The following DRG2 variants were observed in gnomAD, a reference collection of about 807,000 sequenced individuals.
DRG2 encodes the protein developmentally regulated GTP binding protein 2, also known as developmentally-regulated GTP-binding protein 2.
Under a neutral mutation model 53.4 loss-of-function variants are expected in DRG2, and 36 were observed. The observed-to-expected ratio is 0.67, with a 90% confidence interval of 0.52 to 0.89. The LOEUF is 0.89. DRG2 is among the 40% of genes least tolerant of loss of function. DRG2 has a pLI of 0.00. For synonymous variants in DRG2, 167 were observed against 192.1 expected, an observed-to-expected ratio of 0.87 and a Z score of 1.08; for missense variants, 342 against 481.2, an observed-to-expected ratio of 0.71 and a Z score of 2.71.
At position 18,101,505 on chromosome 17, in the gene DRG2, C is replaced by A; in HGVS notation, c.644C>A (p.Ala215Glu). Residue 215 changes from alanine (A) to glutamate (E), a missense_variant, in exon 8 of 13, where the codon GCA (alanine) becomes GAA (glutamate). By Grantham distance (107) the Ala-to-Glu change is moderately radical. Coordinates refer to ENST00000225729, the MANE Select transcript of DRG2 (RefSeq NM_001388.5). ...LILHEYKIFN[A>E]EVLFREDCSP... ...CGGAGCCCCTCAGAGATCTTCAATG[C>A]AGAAGTGCTTTTCCGAGAAGACTGC... 1 of 1,614,138 alleles carries A rather than the reference C, an allele frequency of 6.2e-7. No homozygotes were observed. The highest frequency in any genetic ancestry group is 8.5e-7 in the Non-Finnish European group (1 of 1,180,020).
At position 18,098,924 on chromosome 17, in the gene DRG2, GC is replaced by G; in HGVS notation, c.316-89del. On this transcript the variant is annotated intron_variant, in intron 3 of 12. Coordinates refer to ENST00000225729, the MANE Select transcript of DRG2 (RefSeq NM_001388.5). The surrounding 1 kb of genome is among the most constrained non-coding windows in gnomAD (Gnocchi z 4.1). The stretch of plus-strand genomic sequence containing the variant: ...CATCTGGGTTTCCCTCAGCCCCTGA[GC>G]CCCGGGGCCATTCCAGATGTCCCAG... 2.1e-6 allele frequency: 3 copies of G among 1,460,398 alleles called. No individual in the cohort carries two copies. Among genetic ancestry groups the G allele is most frequent in the Non-Finnish European group, 1.9e-6 (2 of 1,054,182 alleles). 90.5% of individuals were successfully genotyped at this position (1,460,398 alleles called of 1,614,324 possible).
chr17:18,088,381 T>C (rs1597711277), intron 1 of DRG2, among the ~76,000 whole-genome samples: 2 of 152,200 alleles, frequency 1.3e-5, no homozygotes, highest in Non-Finnish European at 2.9e-5. Context: ...GAGGCGGAGC[T>C]GGGGTTCAAA....
At chr17:18,106,725 CTG>C (rs1304587216) in intron 12 of DRG2, among the ~76,000 whole-genome samples, 1 of 120,804 alleles carries the variant, frequency 8.3e-6, no homozygotes, top group Non-Finnish European at 1.6e-5. Context: ...GGGTCTGGCT[CTG>C]TCTCCCACGC....
rs1205766677 is a variant in DRG2, at chr17:18,099,159, T to C, written c.376+82T>C. 4 of 1,556,480 alleles carry C rather than the reference T, an allele frequency of 2.6e-6. No individual in the cohort carries two copies. The highest frequency in any genetic ancestry group is 2.6e-6 in the Non-Finnish European group (3 of 1,132,326). On this transcript the variant is annotated intron_variant, in intron 4 of 12. Coordinates refer to ENST00000225729, the MANE Select transcript of DRG2 (RefSeq NM_001388.5). This position sits in a 1 kb window ranked among gnomAD's most constrained non-coding sequence, Gnocchi z 4.4. ...AAATTGGGTGTGGCTGTCATGGAGA[T>C]CACTCTGGATCCCTGGTCCATTATC...
chr17:18,104,146 C>T (rs781701150), intron 10 of DRG2, among the ~76,000 whole-genome samples: 7 of 152,044 alleles, frequency 4.6e-5, no homozygotes, highest in African/African-American at 7.3e-5. Context: ...CAGGCCCTAC[C>T]GCAGGAGCAT....
chr17:18,101,420 C>G, intron 7 of DRG2, 73 bp from the exon 8 acceptor site: 1 of 1,470,820 alleles, frequency 6.8e-7, no homozygotes, highest in Non-Finnish European at 9.4e-7. Flanking sequence ...TCCTGCTTGG[C>G]TTTTTGGGGC....
intron 12 of DRG2, 49 bp downstream of exon 12, chr17:18,106,535 C>G (rs774108160): frequency 1.2e-6 from 2 of 1,607,798 alleles, no homozygotes; most frequent in Admixed American, 3.3e-5. Flanking sequence ...CAGGACAGCC[C>G]CTGGGTTAGG....
chr17:18,104,788 ACT>A, intron 11 of DRG2, 107 bp downstream of exon 11: 1 of 1,562,446 alleles, frequency 6.4e-7, no homozygotes, highest in Non-Finnish European at 8.7e-7. Context: ...TGCTGGTCTC[ACT>A]CTCAGATGTC....
At chr17:18,095,697 G>C (rs78418345) in intron 2 of DRG2, 2 of 152,156 alleles carry the variant, frequency 1.3e-5, no homozygotes, top group African/African-American at 4.8e-5. Context: ...CACCGCGCCC[G>C]GCCTAAAGTA....
In DRG2 at chr17:18,099,325, A is replaced by G. The variant is rs527431695; in HGVS notation, c.376+248A>G. The G allele has an allele frequency of 6.5e-6, 4 of 612,230 alleles. No individual in the cohort carries two copies. The East Asian group carries it at 8.3e-5, about 13-fold the overall frequency. 37.9% of individuals were successfully genotyped at this position (612,230 alleles called of 1,614,324 possible). On this transcript the variant is annotated intron_variant, in intron 4 of 12. Coordinates refer to ENST00000225729, the MANE Select transcript of DRG2 (RefSeq NM_001388.5). The surrounding 1 kb of genome is among the most constrained non-coding windows in gnomAD (Gnocchi z 4.4). ...ATGGGCATAATAATACATAATTTACAGCATAGTTTTGAGGATTAAGTGAGG... is the reference window on the plus strand; with the variant it reads ...ATGGGCATAATAATACATAATTTACGGCATAGTTTTGAGGATTAAGTGAGG...
intron 1 of DRG2, among the ~76,000 whole-genome samples, chr17:18,091,437 T>C (rs1322485776): frequency 6.6e-6 from 1 of 151,662 alleles, no homozygotes; most frequent in Non-Finnish European, 1.5e-5. Flanking sequence ...AATACAAAAA[T>C]TAGCCAGGCA....
At chr17:18,106,970 T>G (rs572281986) in intron 12 of DRG2, among the ~76,000 whole-genome samples, 184 bp from the exon 13 acceptor site, 1 of 152,190 alleles carries the variant, frequency 6.6e-6, no homozygotes, top group African/African-American at 2.4e-5. Flanking sequence ...CATTAGCCAC[T>G]GTGCCTGGCC....
Position 18,100,685 on chromosome 17 carries a change from A to C in DRG2, c.631+26A>C. 6.2e-7 allele frequency: 1 copy of C among 1,600,768 alleles called. No homozygotes were observed. Among genetic ancestry groups the C allele is most frequent in the Non-Finnish European group, 8.5e-7 (1 of 1,173,430 alleles). ...GTATCCTTCCCTGAAAGACACGTGA[A>C]GGAGGGCAGCCACCACCGTCAGCGC... is the stretch of plus-strand genomic sequence containing the variant. On this transcript the variant is annotated intron_variant, in intron 7 of 12. Coordinates refer to ENST00000225729, the MANE Select transcript of DRG2 (RefSeq NM_001388.5). The surrounding 1 kb of genome is among the most constrained non-coding windows in gnomAD (Gnocchi z 4.1).
intron 12 of DRG2, 28 bp downstream of exon 12, chr17:18,106,514 G>T (rs763521390): frequency 3.1e-6 from 5 of 1,613,484 alleles, no homozygotes; most frequent in East Asian, 2.2e-5. Flanking sequence ...AAGCAACCAG[G>T]GGGGTAGACC....
Position 18,103,872 on chromosome 17 carries a change from A to G in DRG2, c.878A>G (p.Tyr293Cys), listed in dbSNP as rs1484827017. The G allele has an allele frequency of 1.9e-6, 3 of 1,613,936 alleles. No individual in the cohort carries two copies. Among genetic ancestry groups the G allele is most frequent in the Non-Finnish European group, 2.5e-6 (3 of 1,180,010 alleles). Residue 293 changes from tyrosine to cysteine, a missense_variant, in exon 10 of 13, where the codon TAC (tyrosine) becomes TGC (cysteine). Coordinates refer to ENST00000225729, the MANE Select transcript of DRG2 (RefSeq NM_001388.5). This position sits in a 1 kb window ranked among gnomAD's most constrained non-coding sequence, Gnocchi z 4.4. Reference sequence around the variant, plus strand: ...GAGTACTTGGCCCTGACCTGCATCTACACCAAGAAGAGAGGACGTGAGTTG... The same window carrying G: ...GAGTACTTGGCCCTGACCTGCATCTGCACCAAGAAGAGAGGACGTGAGTTG... Reference protein sequence around the residue: ...LWEYLALTCIYTKKRGQRPDF... With the variant: ...LWEYLALTCICTKKRGQRPDF...
Position 18,107,130 on chromosome 17 carries a change from C to G in DRG2, c.1009-24C>G, listed in dbSNP as rs372353732. The G allele has an allele frequency of 5.3e-4, 856 of 1,611,548 alleles. 1 individual carries two copies. Among genetic ancestry groups the G allele is most frequent in the Non-Finnish European group, 7.0e-4 (822 of 1,179,130 alleles). On this transcript the variant is annotated intron_variant, in intron 12 of 12. Transcript: ENST00000225729. ...TTGGCCAGTCCAGGCTGAGGTGACC[C>G]CTCTGCCCCCATTCCTCACCCAGGG... is the stretch of plus-strand genomic sequence containing the variant.
intron 1 of DRG2, among the ~76,000 whole-genome samples, chr17:18,092,500 A>G (rs1253551664): frequency 6.6e-6 from 1 of 152,156 alleles, no homozygotes; most frequent in Admixed American, 6.6e-5. Context: ...AGTGTGTTGA[A>G]GTAGCCAGGA....
intron 1 of DRG2, among the ~76,000 whole-genome samples, chr17:18,089,487 G>A (rs369835603): frequency 6.6e-6 from 1 of 152,222 alleles, no homozygotes; most frequent in Admixed American, 6.5e-5. Context: ...GGTTAAAGCA[G>A]TGAACACAGC....
At chr17:18,090,623 C>T (rs1430712879) in intron 1 of DRG2, among the ~76,000 whole-genome samples, 2 of 151,494 alleles carry the variant, frequency 1.3e-5, no homozygotes, top group Middle Eastern at 3.2e-3. Context: ...TGGTTTCGGA[C>T]TCCGGACCTC....
Sources: gnomAD v4.1 joint callset for allele counts (sites outside exome capture counted in the v4.1 genomes callset) on GRCh38, gnomAD v4.1.1 for gene constraint, Gnocchi (gnomAD v3.1) non-coding constraint, MANE v1.5 for transcripts, NCBI Gene and HGNC (gene_info 2026-07-23, HGNC 2026-07-21) for gene names.